Variants in DOT1L observed in about 807,000 individuals in gnomAD.
DOT1L encodes the protein DOT1 like histone lysine methyltransferase.
In DOT1L, 33 loss-of-function variants were observed where a neutral mutation model predicts 153.3. The observed-to-expected ratio is 0.22, with a 90% CI of 0.16 to 0.29. The LOEUF (loss-of-function observed/expected upper bound fraction) is 0.29, where lower values mean the gene tolerates loss of function less well. Among genes scored for constraint, DOT1L ranks in the 10% least tolerant of loss-of-function variants. DOT1L has a pLI of 1.00. For synonymous variants in DOT1L, 1,135 were observed against 965.1 expected (o/e 1.18, Z -3.26); for missense variants, 1,847 against 2,119.9 (o/e 0.87, Z 2.53).
rs370753425 is a variant in DOT1L, at chr19:2,220,091, G to C, written c.2692-17G>C. 204 of 1,591,482 alleles carry C rather than the reference G, an allele frequency of 1.3e-4. No homozygotes were observed. The highest frequency in any genetic ancestry group is 4.4e-4 in the South Asian group (39 of 89,218). On this transcript the variant is annotated splice_polypyrimidine_tract_variant and intron_variant, in intron 22 of 27. Transcript: ENST00000398665. This position sits in a 1 kb window ranked among gnomAD's most constrained non-coding sequence, Gnocchi z 4.5. ...GGGCACCTGCTGCCCCTGACACACA[G>C]GGTTTTCTCTCTGCAGAGGAGCACC...
In DOT1L at chr19:2,227,146, C is replaced by T. The variant is rs1343623322; in HGVS notation, c.4606+19C>T. The T allele has an allele frequency of 3.9e-6, 6 of 1,554,648 alleles. No homozygotes were observed. Among genetic ancestry groups the T allele is most frequent in the East Asian group, 2.4e-5 (1 of 42,546 alleles). ...GTTGGAGGTAGGCAGGGCGGCCGTC[C>T]GTCCGCCCCCCGCCCCGGCCCCCGC... is the stretch of plus-strand genomic sequence containing the variant. On this transcript the variant is annotated intron_variant, in intron 27 of 27. Coordinates refer to ENST00000398665, the MANE Select transcript of DOT1L (RefSeq NM_032482.3).
chr19:2,185,705 C>T, intron 2 of DOT1L, 150 bp from the exon 3 acceptor site: 2 of 749,318 alleles, frequency 2.7e-6, no homozygotes, highest in South Asian at 3.2e-5. Context: ...GGAGGCGGAG[C>T]TTGCAGTGAG....
At chr19:2,170,232 G>T (rs946713571) in intron 1 of DOT1L, among the ~76,000 whole-genome samples, 1 of 152,218 alleles carries the variant, frequency 6.6e-6, no homozygotes, top group Non-Finnish European at 1.5e-5. Context: ...ACAGATTCCA[G>T]GAACAGGAAG....
In DOT1L at chr19:2,208,834, C is replaced by T; in HGVS notation, c.964-101C>T. 1 of 1,261,430 alleles carries T rather than the reference C, an allele frequency of 7.9e-7. No individual in the cohort carries two copies. Among genetic ancestry groups the T allele is most frequent in the East Asian group, 2.4e-5 (1 of 41,658 alleles). 78.1% of individuals were successfully genotyped at this position (1,261,430 alleles called of 1,614,324 possible). A position where few individuals can be genotyped will look rare whatever the true frequency, so the allele number is the denominator to read the frequency against. On this transcript the variant is annotated intron_variant, in intron 11 of 27. Coordinates refer to ENST00000398665, the MANE Select transcript of DOT1L (RefSeq NM_032482.3). This position sits in a 1 kb window ranked among gnomAD's most constrained non-coding sequence, Gnocchi z 4.4. Reference sequence around the variant, plus strand: ...TGTCCCCAGATACCAGAACAGCCTCCCCAGCCACTGTCCAGGTTGCTGTTG... The same window carrying T: ...TGTCCCCAGATACCAGAACAGCCTCTCCAGCCACTGTCCAGGTTGCTGTTG...
intron 3 of DOT1L, among the ~76,000 whole-genome samples, chr19:2,186,396 G>C (rs558016768): frequency 1.3e-5 from 2 of 152,240 alleles, no homozygotes. Flanking sequence ...GGAGGGTCTT[G>C]TGGGTGGAGA....
Position 2,222,677 on chromosome 19 carries a change from G to A in DOT1L, c.3390+118G>A. ...GCATTTTGGGAGGCCGAGGCGGGTG[G>A]ATCACAAGATCAGGACATCAAGACC... On this transcript the variant is annotated intron_variant, in intron 24 of 27. Coordinates refer to ENST00000398665, the MANE Select transcript of DOT1L (RefSeq NM_032482.3). The surrounding 1 kb of genome is among the most constrained non-coding windows in gnomAD (Gnocchi z 6.5). 1.0e-6 allele frequency: 1 copy of A among 966,880 alleles called. No homozygotes were observed. The highest frequency in any genetic ancestry group is 1.5e-6 in the Non-Finnish European group (1 of 672,812). 59.9% of individuals were successfully genotyped at this position (966,880 alleles called of 1,614,324 possible).
chr19:2,199,022 A>G (rs2023136792), intron 7 of DOT1L, among the ~76,000 whole-genome samples: 2 of 152,052 alleles, frequency 1.3e-5, no homozygotes, highest in Admixed American at 1.3e-4. Flanking sequence ...TTTTGGAGGC[A>G]TTTGTGTCCG....
intron 27 of DOT1L, chr19:2,227,918 G>A (rs1188411734): frequency 1.5e-5 from 17 of 1,103,726 alleles, no homozygotes; most frequent in Admixed American, 4.2e-5. Context: ...CTCCGCCTCC[G>A]CCTCCGCCTC....
In DOT1L at chr19:2,211,671, C is replaced by T. The variant is rs532070747; in HGVS notation, c.1466-80C>T. The T allele has an allele frequency of 5.9e-5, 76 of 1,281,076 alleles. No individual in the cohort carries two copies. The Middle Eastern group carries it at 7.4e-4, about 13-fold the overall frequency. The allele number at this position is 1,281,076 out of a possible 1,614,324, so 79.4% of individuals were successfully genotyped here. Reference sequence around the variant, plus strand: ...CTGACACCTGCCGAGGCCTGGGACTCGTTCTCAAGGGCTGCTCCCACCTCT... The same window carrying T: ...CTGACACCTGCCGAGGCCTGGGACTTGTTCTCAAGGGCTGCTCCCACCTCT... On this transcript the variant is annotated intron_variant, in intron 15 of 27. Coordinates refer to ENST00000398665, the MANE Select transcript of DOT1L (RefSeq NM_032482.3).
At chr19:2,219,255 G>A (rs1048630557) in intron 22 of DOT1L, among the ~76,000 whole-genome samples, 3 of 152,148 alleles carry the variant, frequency 2.0e-5, no homozygotes, top group African/African-American at 7.2e-5. Context: ...CGACCCACCC[G>A]CCTCGGCCTC....
At chr19:2,179,330 C>G (rs1049402344) in intron 1 of DOT1L, among the ~76,000 whole-genome samples, 2 of 149,234 alleles carry the variant, frequency 1.3e-5, no homozygotes, top group African/African-American at 4.9e-5. Flanking sequence ...TTTTCTCTGC[C>G]CTGGGAGAGG....
intron 1 of DOT1L, among the ~76,000 whole-genome samples, chr19:2,164,638 T>A (rs990401251): frequency 8.9e-5 from 13 of 146,516 alleles, no homozygotes; most frequent in Admixed American, 2.0e-4. Context: ...TCCGCCGCCT[T>A]ATTTTTCTTT....
chr19:2,179,037 C>T (rs1476634471), intron 1 of DOT1L, among the ~76,000 whole-genome samples: 1 of 152,178 alleles, frequency 6.6e-6, no homozygotes, highest in East Asian at 1.9e-4. Context: ...TCCTGTCTCC[C>T]CTATCTAGGC....
chr19:2,200,336 G>A (rs1025301082), intron 8 of DOT1L, among the ~76,000 whole-genome samples: 4 of 151,328 alleles, frequency 2.6e-5, no homozygotes, highest in Non-Finnish European at 5.9e-5. Flanking sequence ...AGGGCTGCTC[G>A]AGGGAGCGGC....
At chr19:2,189,151 A>G (rs139970241) in intron 3 of DOT1L, among the ~76,000 whole-genome samples, 5 of 151,998 alleles carry the variant, frequency 3.3e-5, no homozygotes, top group East Asian at 1.9e-4. Context: ...CACTGCTGAC[A>G]TGACACACTG....
chr19:2,172,812 T>C (rs1380214107), intron 1 of DOT1L, among the ~76,000 whole-genome samples: 2 of 151,582 alleles, frequency 1.3e-5, no homozygotes, highest in South Asian at 2.1e-4. Flanking sequence ...ATATTTTTCC[T>C]CTTTTTTTTG....
chr19:2,185,087 G>A (rs2022429178), intron 2 of DOT1L, among the ~76,000 whole-genome samples: 1 of 152,280 alleles, frequency 6.6e-6, no homozygotes, highest in African/African-American at 2.4e-5. Flanking sequence ...TGTATTTTTA[G>A]TAGAGACGGG....
intron 27 of DOT1L, chr19:2,228,248 G>A (rs2024449886): frequency 2.2e-6 from 3 of 1,362,408 alleles, no homozygotes; most frequent in Non-Finnish European, 2.9e-6. Flanking sequence ...CCGCGCCCGG[G>A]ATCCCACAGG....
chr19:2,211,340 C>G (rs765258958), intron 15 of DOT1L, 128 bp downstream of exon 15: 2 of 855,258 alleles, frequency 2.3e-6, no homozygotes, highest in East Asian at 5.4e-5. Context: ...GAAGTTTACC[C>G]AGGGTTGGGG....
Sources: allele counts gnomAD v4.1 joint callset (sites outside exome capture counted in the v4.1 genomes callset), GRCh38; gene constraint gnomAD v4.1.1; non-coding constraint Gnocchi (gnomAD v3.1); transcripts MANE v1.5; gene names NCBI Gene and HGNC (gene_info 2026-07-23, HGNC 2026-07-21).